ATP8A2: variants seen among roughly 807,000 people sequenced by gnomAD.
ATP8A2 encodes the protein ATPase phospholipid transporting 8A2.
A neutral mutation model predicts 165.6 loss-of-function variants in ATP8A2; 100 were observed. The observed-to-expected ratio is 0.60, with a 90% CI of 0.51 to 0.71. ATP8A2 has a LOEUF of 0.71. Ranked by LOEUF, ATP8A2 falls within the 30% of genes least tolerant of loss-of-function variation. ATP8A2 has a pLI of 0.00. For missense variants in ATP8A2, 1,227 were observed against 1,479.5 expected (o/e 0.83, Z 2.80); for synonymous variants, 543 against 548.8 (o/e 0.99, Z 0.15).
At chr13:25,666,582 C>A (rs1292087092) in intron 24 of ATP8A2, among the ~76,000 whole-genome samples, 5 of 152,108 alleles carry the variant, frequency 3.3e-5, no homozygotes, top group African/African-American at 4.8e-5. Context: ...CTAAGTTTTG[C>A]TATTGGAAAT....
At chr13:25,906,808 C>T (rs1395863505) in intron 33 of ATP8A2, among the ~76,000 whole-genome samples, 3 of 152,302 alleles carry the variant, frequency 2.0e-5, no homozygotes, top group Admixed American at 6.5e-5. Context: ...GCCATGTCTT[C>T]GTCTCTTTCT....
chr13:25,549,343 C>T (rs150832558), intron 10 of ATP8A2, among the ~76,000 whole-genome samples: 2,086 of 151,778 alleles, frequency 0.014, 20 homozygotes, highest in Non-Finnish European at 0.022. Context: ...ACTTGTAATC[C>T]CAGCTACTTG....
intron 28 of ATP8A2, among the ~76,000 whole-genome samples, chr13:25,833,044 T>C (rs1182796537): frequency 6.6e-6 from 1 of 151,496 alleles, no homozygotes; most frequent in Non-Finnish European, 1.5e-5. Flanking sequence ...TTAAAATCAA[T>C]AGCCTTTTTC....
At chr13:25,446,937 C>G (rs557909216) in intron 1 of ATP8A2, among the ~76,000 whole-genome samples, 2 of 152,218 alleles carry the variant, frequency 1.3e-5, no homozygotes, top group South Asian at 4.1e-4. Context: ...CTCACTGCAC[C>G]GTTGACCTCC....
chr13:25,921,985 T>C (rs4770886), intron 33 of ATP8A2, among the ~76,000 whole-genome samples: 53,275 of 152,124 alleles, frequency 0.35, 9,814 homozygotes, highest in African/African-American at 0.47. Flanking sequence ...TTAGATTTTG[T>C]AAAACCATTG....
intron 27 of ATP8A2, among the ~76,000 whole-genome samples, chr13:25,802,296 C>A (rs911375871): frequency 6.6e-6 from 1 of 152,126 alleles, no homozygotes; most frequent in African/African-American, 2.4e-5. Context: ...ATACTGGCAA[C>A]TCCATGGAGA....
At chr13:25,432,394 C>G (rs775883178) in intron 1 of ATP8A2, among the ~76,000 whole-genome samples, 3 of 152,140 alleles carry the variant, frequency 2.0e-5, no homozygotes, top group Admixed American at 1.3e-4. Flanking sequence ...CTCTGGGGAC[C>G]CTGGCATAGA....
At chr13:26,019,860 C>G (rs1368512922) in intron 36 of ATP8A2, 28 bp from the exon 37 acceptor site, 5 of 1,536,858 alleles carry the variant, frequency 3.3e-6, no homozygotes, top group Non-Finnish European at 4.5e-6. Flanking sequence ...TCCTGTTAAC[C>G]AGTTTCTCCT....
chr13:26,018,952 A>G (rs1289244694), intron 36 of ATP8A2, among the ~76,000 whole-genome samples: 1 of 152,244 alleles, frequency 6.6e-6, no homozygotes, highest in African/African-American at 2.4e-5. Context: ...TTTTATTAAT[A>G]GTATATGAAC....
intron 34 of ATP8A2, among the ~76,000 whole-genome samples, chr13:25,968,057 A>G (rs1955821543): frequency 6.6e-6 from 1 of 152,156 alleles, no homozygotes; most frequent in Non-Finnish European, 1.5e-5. Flanking sequence ...TTGCATCCAG[A>G]CCATGCACTC....
chr13:25,736,099 T>C (rs548471554), intron 25 of ATP8A2, among the ~76,000 whole-genome samples: 1 of 152,368 alleles, frequency 6.6e-6, no homozygotes, highest in East Asian at 1.9e-4. Flanking sequence ...TACACATTTG[T>C]AGCCTAGGAG....
chr13:25,589,740 G>A, intron 24 of ATP8A2, 41 bp downstream of exon 24: 2 of 1,254,658 alleles, frequency 1.6e-6, no homozygotes, highest in Non-Finnish European at 2.3e-6. Context: ...TGCTATAACA[G>A]TATTAAACTC....
chr13:25,854,260 A>C (rs1384896076), intron 30 of ATP8A2, among the ~76,000 whole-genome samples: 3 of 152,198 alleles, frequency 2.0e-5, no homozygotes, highest in Non-Finnish European at 4.4e-5. Context: ...GTTTATCTAC[A>C]TACTCCAGCC....
chr13:25,426,039 C>A (rs2138123855), intron 1 of ATP8A2, among the ~76,000 whole-genome samples: 1 of 152,272 alleles, frequency 6.6e-6, no homozygotes, highest in South Asian at 2.1e-4. Flanking sequence ...AGAAGCAACA[C>A]CATGAAGACT....
intron 24 of ATP8A2, among the ~76,000 whole-genome samples, chr13:25,671,399 T>G (rs1194101652): frequency 6.6e-6 from 1 of 152,188 alleles, no homozygotes; most frequent in Admixed American, 6.5e-5. Flanking sequence ...ATAAGAGAGA[T>G]AACCTTAAAC....
chr13:25,930,908 C>A (rs1338176737), intron 33 of ATP8A2, among the ~76,000 whole-genome samples: 1 of 152,182 alleles, frequency 6.6e-6, no homozygotes, highest in African/African-American at 2.4e-5. Flanking sequence ...CGCCGGTGTT[C>A]CTTTCGTCCT....
chr13:25,440,040 C>T (rs1051309836), intron 1 of ATP8A2, among the ~76,000 whole-genome samples: 1 of 152,116 alleles, frequency 6.6e-6, no homozygotes, highest in Non-Finnish European at 1.5e-5. Context: ...CTGTGGGGTG[C>T]ATGTGCCATC....
At chr13:25,940,469 C>T (rs199824429) in intron 33 of ATP8A2, among the ~76,000 whole-genome samples, 3 of 152,318 alleles carry the variant, frequency 2.0e-5, no homozygotes, top group African/African-American at 2.4e-5. Context: ...GCTGCCTTCC[C>T]GTCCTCTGGG....
chr13:25,806,076 A>G (rs1470536493), intron 27 of ATP8A2, among the ~76,000 whole-genome samples: 3 of 152,170 alleles, frequency 2.0e-5, no homozygotes, highest in Non-Finnish European at 1.5e-5. Flanking sequence ...TTCATGCCCT[A>G]GAAATGCTTG....
Sources: gnomAD v4.1 joint callset for allele counts (sites outside exome capture counted in the v4.1 genomes callset) on GRCh38, gnomAD v4.1.1 for gene constraint, MANE v1.5 for transcripts, NCBI Gene and HGNC (gene_info 2026-07-23, HGNC 2026-07-21) for gene names.